The following CNNM2 variants were observed in gnomAD, a reference collection of about 807,000 sequenced individuals.
CNNM2 encodes the protein cyclin and CBS domain divalent metal cation transport mediator 2, also known as metal transporter CNNM2.
In CNNM2, 12 loss-of-function variants were observed where a neutral mutation model predicts 66.9. That is an observed-to-expected ratio of 0.18 (90% CI 0.11 to 0.29). The LOEUF is 0.29. CNNM2 is among the 10% of genes least tolerant of loss of function. The pLI is 1.00. For synonymous variants in CNNM2, 557 were observed against 501.8 expected, an observed-to-expected ratio of 1.11 and a Z score of -1.47; for missense variants, 705 against 1,167.7, an observed-to-expected ratio of 0.60 and a Z score of 5.77.
intron 1 of CNNM2, among the ~76,000 whole-genome samples, chr10:102,967,468 T>G (rs979360595): frequency 6.6e-6 from 1 of 152,228 alleles, no homozygotes; most frequent in Non-Finnish European, 1.5e-5. Context: ...AACACTGTTA[T>G]GCTTTCTGTC....
intron 4 of CNNM2, 101 bp downstream of exon 4, chr10:103,057,065 A>G (rs2065307063): frequency 2.6e-6 from 3 of 1,166,958 alleles, no homozygotes; most frequent in Middle Eastern, 2.0e-4. Flanking sequence ...GAACCTTTCT[A>G]TAGGGGGTAG....
chr10:103,078,264 G>A lies in CNNM2; in HGVS notation c.*1084G>A, dbSNP rs920106288. The A allele has an allele frequency of 2.0e-5, 3 of 152,250 alleles. No homozygotes were observed. The highest frequency in any genetic ancestry group is 2.9e-5 in the Non-Finnish European group (2 of 68,070). The allele number at this position is 152,250 out of a possible 1,614,324, so 9.4% of individuals were successfully genotyped here. A position where few individuals can be genotyped will look rare whatever the true frequency, so the allele number is the denominator to read the frequency against. On this transcript the variant is annotated 3_prime_UTR_variant, in exon 8 of 8. Transcript: ENST00000369878. ...GTGCCGAGAAGGCATTTCTAGACCC[G>A]TGTTTTTAAAGGAGGGAACTTTGGG...
intron 1 of CNNM2, among the ~76,000 whole-genome samples, chr10:102,999,893 T>A (rs949461375): frequency 2.0e-5 from 3 of 152,194 alleles, no homozygotes; most frequent in Non-Finnish European, 4.4e-5. Flanking sequence ...TAAGAAGTGT[T>A]GGCAAAGATG....
At chr10:102,946,383 T>G (rs1180123023) in intron 1 of CNNM2, among the ~76,000 whole-genome samples, 2 of 152,164 alleles carry the variant, frequency 1.3e-5, no homozygotes, top group Non-Finnish European at 2.9e-5. Flanking sequence ...ACATATTGAT[T>G]ATTCTTGTGA....
chr10:102,919,975 G>A lies in CNNM2; in HGVS notation c.1495G>A (p.Asp499Asn). The change falls in exon 1 of 8, where the codon GAC (aspartate) becomes AAC (asparagine). Residue 499 changes from aspartate to asparagine, a missense_variant. By Grantham distance (23) the Asp-to-Asn change is conservative. Transcript: ENST00000369878. ...SNIVDLLFVKDLAFVDPDDCT... is the reference protein window; with the variant it reads ...SNIVDLLFVKNLAFVDPDDCT... ...TATCGTGGACCTGCTGTTTGTCAAA[G>A]ACTTGGCCTTCGTGGATCCCGATGA... 1 of 1,614,256 alleles carries A rather than the reference G, an allele frequency of 6.2e-7. No homozygotes were observed. The highest frequency in any genetic ancestry group is 8.5e-7 in the Non-Finnish European group (1 of 1,180,048).
chr10:103,002,478 T>TA (rs2064139646), intron 1 of CNNM2, among the ~76,000 whole-genome samples: 1 of 133,030 alleles, frequency 7.5e-6, no homozygotes, highest in East Asian at 2.6e-4. Context: ...AAGACTGGAA[T>TA]CTTTTTTTTT....
At chr10:103,035,651 A>G (rs1488067016) in intron 1 of CNNM2, among the ~76,000 whole-genome samples, 2 of 152,212 alleles carry the variant, frequency 1.3e-5, no homozygotes. Context: ...TAATTGCCTC[A>G]CTTTGGGTTT....
intron 1 of CNNM2, among the ~76,000 whole-genome samples, chr10:102,985,203 CT>C (rs961265653): frequency 2.6e-5 from 4 of 151,904 alleles, no homozygotes; most frequent in South Asian, 2.1e-4. Context: ...ATTGTTTTAT[CT>C]TTTTTTTCTA....
intron 1 of CNNM2, among the ~76,000 whole-genome samples, chr10:102,999,315 C>G (rs1020150690): frequency 6.6e-6 from 1 of 151,026 alleles, no homozygotes; most frequent in African/African-American, 2.4e-5. Flanking sequence ...ATCTCCTGAC[C>G]TTGTGATCTG....
chr10:102,938,158 G>A (rs965113672), intron 1 of CNNM2, among the ~76,000 whole-genome samples: 7 of 151,224 alleles, frequency 4.6e-5, no homozygotes, highest in South Asian at 2.1e-4. Flanking sequence ...AAATTAGGCC[G>A]GGTGCGGTGG....
intron 1 of CNNM2, among the ~76,000 whole-genome samples, chr10:103,028,168 A>C (rs993995431): frequency 1.3e-5 from 2 of 152,250 alleles, no homozygotes; most frequent in Non-Finnish European, 2.9e-5. Context: ...GCGTACTCAC[A>C]GAAAGCTTAA....
chr10:102,964,620 A>T, intron 1 of CNNM2, among the ~76,000 whole-genome samples: 1 of 152,114 alleles, frequency 6.6e-6, no homozygotes, highest in Non-Finnish European at 1.5e-5. Flanking sequence ...TGGACCACCT[A>T]CTCAGCCTAG....
intron 1 of CNNM2, among the ~76,000 whole-genome samples, chr10:102,967,741 G>A (rs2063486898): frequency 1.3e-5 from 2 of 152,230 alleles, no homozygotes; most frequent in Non-Finnish European, 2.9e-5. Flanking sequence ...GGGCGCGGGA[G>A]CTCATGCCTG....
intron 4 of CNNM2, among the ~76,000 whole-genome samples, chr10:103,059,431 G>A (rs759610224): frequency 2.0e-5 from 3 of 152,138 alleles, no homozygotes; most frequent in Admixed American, 6.5e-5. Flanking sequence ...TTTTTTAGTT[G>A]AAGCCCTAGA....
chr10:102,992,564 G>A (rs913139812), intron 1 of CNNM2, among the ~76,000 whole-genome samples: 9 of 152,030 alleles, frequency 5.9e-5, no homozygotes, highest in Non-Finnish European at 2.9e-5. Context: ...GTGAGCCACC[G>A]TGCCCGGCCT....
intron 1 of CNNM2, among the ~76,000 whole-genome samples, chr10:103,040,320 A>G (rs2065016756): frequency 6.6e-6 from 1 of 151,896 alleles, no homozygotes; most frequent in African/African-American, 2.4e-5. Flanking sequence ...AAAAAGGATT[A>G]AAAGGGCTCA....
At chr10:102,939,759 T>A (rs939554779) in intron 1 of CNNM2, among the ~76,000 whole-genome samples, 3 of 151,966 alleles carry the variant, frequency 2.0e-5, no homozygotes, top group African/African-American at 7.3e-5. Flanking sequence ...TCACCTGAGG[T>A]CAGGAGTTCA....
chr10:103,025,586 A>G (rs2064686080), intron 1 of CNNM2, among the ~76,000 whole-genome samples: 1 of 152,250 alleles, frequency 6.6e-6, no homozygotes, highest in South Asian at 2.1e-4. Flanking sequence ...CTTCTGAAGT[A>G]GGACCCAGGC....
intron 1 of CNNM2, 45 bp downstream of exon 1, chr10:102,920,146 C>T (rs1845566003): frequency 6.2e-7 from 1 of 1,613,888 alleles, no homozygotes; most frequent in Non-Finnish European, 8.5e-7. Context: ...TTTCTCTCTC[C>T]ATCCTCCTCC....
Sources: gnomAD v4.1 joint callset for allele counts (sites outside exome capture counted in the v4.1 genomes callset) on GRCh38, gnomAD v4.1.1 for gene constraint, MANE v1.5 for transcripts, NCBI Gene and HGNC (gene_info 2026-07-23, HGNC 2026-07-21) for gene names.